Variants in MCTS1 observed in about 807,000 individuals in gnomAD.
The protein encoded by MCTS1 is MCTS1 re-initiation and release factor, also known as malignant T-cell-amplified sequence 1.
For missense variants in MCTS1, 55 were observed against 128.6 expected (o/e 0.43, Z 2.77); for synonymous variants, 26 against 40.8 (o/e 0.64, Z 1.38).
chrX:120,619,306 T>C lies in MCTS1; in HGVS notation c.*7042T>C, dbSNP rs1926947005. Reference sequence around the variant, plus strand: ...TTAATACAAAGGATTGATACATATTTAACTGTTTAGAATTCTAGTTAAACT... The same window carrying C: ...TTAATACAAAGGATTGATACATATTCAACTGTTTAGAATTCTAGTTAAACT... On this transcript the variant is annotated 3_prime_UTR_variant, in exon 6 of 6. Coordinates refer to ENST00000371317, the MANE Select transcript of MCTS1 (RefSeq NM_014060.3). Among the ~76,000 whole-genome samples, 1 of 111,136 alleles carries C rather than the reference T, an allele frequency of 9.0e-6. No homozygotes were observed. The highest frequency in any genetic ancestry group is 1.9e-5 in the Non-Finnish European group (1 of 53,034).
At chrX:120,604,566 G>A (rs1926481589) in intron 1 of MCTS1, 2 of 666,729 alleles carry the variant, frequency 3.0e-6, no homozygotes, top group Non-Finnish European at 4.1e-6. Flanking sequence ...TGATTTAGAG[G>A]CATATTCTCT....
At chrX:120,604,794 G>A in intron 1 of MCTS1, 1 of 1,131,695 alleles carries the variant, frequency 8.8e-7, no homozygotes, top group Non-Finnish European at 1.2e-6. Flanking sequence ...AAAATTCCTT[G>A]GGAACCTACT....
chrX:120,610,815 G>T (rs1056200849), intron 4 of MCTS1, 196 bp from the exon 5 acceptor site: 4 of 360,017 alleles, frequency 1.1e-5, no homozygotes, highest in Admixed American at 8.9e-5. Context: ...TATTCATTTA[G>T]CATTTACTGA....
intron 5 of MCTS1, 59 bp downstream of exon 5, chrX:120,611,137 A>G: frequency 1.9e-6 from 2 of 1,062,403 alleles, no homozygotes; most frequent in South Asian, 1.9e-5. Flanking sequence ...CCCAGGAAGC[A>G]TCAGAATTAC....
chrX:120,605,377 T>C (rs1390192518), intron 1 of MCTS1, 30 bp from the exon 2 acceptor site: 10 of 1,146,212 alleles, frequency 8.7e-6, no homozygotes, highest in Non-Finnish European at 1.2e-5. Context: ...TAGAAATGCC[T>C]TTTCTTTTCT....
chrX:120,607,073 A>C (rs962298210), intron 3 of MCTS1, among the ~76,000 whole-genome samples: 1 of 105,235 alleles, frequency 9.5e-6, no homozygotes, highest in Admixed American at 1.0e-4. Context: ...CCGTCCAGGT[A>C]TTTCCTGTGA....
rs777790192 is a variant in MCTS1, at chrX:120,614,333, G to C, written c.*2069G>C. On this transcript the variant is annotated 3_prime_UTR_variant, in exon 6 of 6. Coordinates refer to ENST00000371317, the MANE Select transcript of MCTS1 (RefSeq NM_014060.3). ...TGAGCAAAGGAAGATTGATAAATTG[G>C]GGTAATATTTCAGTTGTGCTGAGGT... 1.8e-5 allele frequency among the ~76,000 whole-genome samples: 2 copies of C among 111,984 alleles called. No homozygotes were observed. Among genetic ancestry groups the C allele is most frequent in the Non-Finnish European group, 3.8e-5 (2 of 53,181 alleles).
intron 1 of MCTS1, chrX:120,604,593 C>A: frequency 2.5e-6 from 2 of 807,041 alleles, no homozygotes; most frequent in Middle Eastern, 4.7e-4. Context: ...GAGAGGGGAG[C>A]CCTGCGCTCA....
At position 120,616,806 on chromosome X, in the gene MCTS1, A is replaced by G. The variant is rs1183074477; in HGVS notation, c.*4542A>G. Among the ~76,000 whole-genome samples, 2 of 112,825 alleles carry G rather than the reference A, an allele frequency of 1.8e-5. No homozygotes were observed. The highest frequency in any genetic ancestry group is 6.4e-5 in the African/African-American group (2 of 31,122). On this transcript the variant is annotated 3_prime_UTR_variant, in exon 6 of 6. Transcript: ENST00000371317. ...GAGAAATAAAAGATGAATTAGTGAA[A>G]TAATTTCTACTTAAAATCTTAGTTG... is the stretch of plus-strand genomic sequence containing the variant.
At chrX:120,608,626 T>C (rs746194659) in intron 4 of MCTS1, among the ~76,000 whole-genome samples, 1 of 112,272 alleles carries the variant, frequency 8.9e-6, no homozygotes, top group Non-Finnish European at 1.9e-5. Flanking sequence ...AGTCAGGGCC[T>C]ACTGTTATCA....
rs1306885681 is a variant in MCTS1, at chrX:120,620,138, C to G, written c.*7874C>G. Reference sequence around the variant, plus strand: ...CATCCTGGCTAACGTGAAACCCCGTCTATACTAAAAATACAAAAAATTAAC... The same window carrying G: ...CATCCTGGCTAACGTGAAACCCCGTGTATACTAAAAATACAAAAAATTAAC... On this transcript the variant is annotated 3_prime_UTR_variant, in exon 6 of 6. Coordinates refer to ENST00000371317, the MANE Select transcript of MCTS1 (RefSeq NM_014060.3). 1.8e-5 allele frequency among the ~76,000 whole-genome samples: 2 copies of G among 109,116 alleles called. No individual in the cohort carries two copies. Among genetic ancestry groups the G allele is most frequent in the African/African-American group, 6.7e-5 (2 of 29,752 alleles). 94.8% of individuals were successfully genotyped at this position (109,116 alleles called of 115,157 possible).
chrX:120,604,996 G>A, intron 1 of MCTS1: 1 of 713,103 alleles, frequency 1.4e-6, no homozygotes, highest in Admixed American at 5.2e-5. Context: ...GTTATGCTTG[G>A]GTTGGTCTTT....
intron 1 of MCTS1, chrX:120,604,907 G>A: frequency 1.8e-6 from 2 of 1,131,252 alleles, no homozygotes; most frequent in Non-Finnish European, 2.3e-6. Flanking sequence ...AAACGAATAG[G>A]GATCTTAGAA....
chrX:120,605,260 AT>A (rs748308592), intron 1 of MCTS1, 146 bp from the exon 2 acceptor site: 311 of 522,224 alleles, frequency 6.0e-4, no homozygotes, highest in Non-Finnish European at 7.3e-4. Context: ...GGGAGATGGT[AT>A]TTTTTTTTAA....
At chrX:120,611,760 A>G (rs1926692631) in intron 5 of MCTS1, among the ~76,000 whole-genome samples, 2 of 112,461 alleles carry the variant, frequency 1.8e-5, no homozygotes, top group African/African-American at 6.5e-5. Context: ...TCTCACCACC[A>G]CACAGTATCT....
Position 120,612,535 on chromosome X carries a change from A to G in MCTS1, c.*271A>G, listed in dbSNP as rs1926712557. 6 of 224,610 alleles carry G rather than the reference A, an allele frequency of 2.7e-5. No homozygotes were observed. In the East Asian group the frequency reaches 5.6e-4, roughly 21 times the overall value. 18.5% of individuals were successfully genotyped at this position (224,610 alleles called of 1,213,427 possible). On this transcript the variant is annotated 3_prime_UTR_variant, in exon 6 of 6. Transcript: ENST00000371317. ...GGCTAATGATATAAGAGTGAAGAGC[A>G]GGACTTGGTCAATGGATTGCCATTT...
At chrX:120,604,604 C>A (rs1926482662) in intron 1 of MCTS1, 7 of 891,659 alleles carry the variant, frequency 7.9e-6, no homozygotes, top group Non-Finnish European at 1.0e-5. Flanking sequence ...CCTGCGCTCA[C>A]TGCCATATGT....
At position 120,604,154 on chromosome X, in the gene MCTS1, G is replaced by A; in HGVS notation, c.-83G>A. 8.9e-7 allele frequency: 1 copy of A among 1,119,006 alleles called. No individual in the cohort carries two copies. The highest frequency in any genetic ancestry group is 1.2e-6 in the Non-Finnish European group (1 of 816,122). 92.2% of individuals were successfully genotyped at this position (1,119,006 alleles called of 1,213,427 possible). ...CTGTCAGTGCCGGCCTTCCTCGTGT[G>A]AGGGGATCTGCCGGACCCCTGCAAA... On this transcript the variant is annotated 5_prime_UTR_variant, in exon 1 of 6. Transcript: ENST00000371317.
At position 120,605,483 on chromosome X, in the gene MCTS1, A is replaced by G; in HGVS notation, c.88A>G (p.Ile30Val). ...TATTAAGGGTATTAAGAATCAATTGATAGAGCAATTTCCAGGTATTGAACC... is the reference window on the plus strand; with the variant it reads ...TATTAAGGGTATTAAGAATCAATTGGTAGAGCAATTTCCAGGTATTGAACC... ...SVIKGIKNQL[I>V]EQFPGIEPWL... The change falls in exon 2 of 6, where the codon ATA becomes GTA. Residue 30 changes from isoleucine (I) to valine (V), a missense_variant. Ile to Val is a conservative substitution (Grantham distance 29). Coordinates refer to ENST00000371317, the MANE Select transcript of MCTS1 (RefSeq NM_014060.3). 8.3e-7 allele frequency: 1 copy of G among 1,201,217 alleles called. No individual in the cohort carries two copies. The highest frequency in any genetic ancestry group is 1.1e-6 in the Non-Finnish European group (1 of 890,881).
Sources: allele counts gnomAD v4.1 joint callset (sites outside exome capture counted in the v4.1 genomes callset), GRCh38; gene constraint gnomAD v4.1.1; transcripts MANE v1.5; gene names NCBI Gene and HGNC (gene_info 2026-07-23, HGNC 2026-07-21).